The following PDE10A variants were observed in gnomAD, a reference collection of about 807,000 sequenced individuals.
The protein encoded by PDE10A is phosphodiesterase 10A.
In PDE10A, 39 loss-of-function variants were observed where a neutral mutation model predicts 97.7. The observed-to-expected ratio is 0.40, with a 90% CI of 0.31 to 0.52. The LOEUF is 0.52. Among genes scored for constraint, PDE10A ranks in the 20% least tolerant of loss-of-function variants. The pLI is 0.56. For missense variants in PDE10A, 731 were observed against 1,047.8 expected (o/e 0.70, Z 4.17); for synonymous variants, 371 against 376.8 (o/e 0.98, Z 0.18).
At chr6:165,860,223 G>C (rs1157374081) in intron 1 of PDE10A, among the ~76,000 whole-genome samples, 1 of 152,198 alleles carries the variant, frequency 6.6e-6, no homozygotes, top group Non-Finnish European at 1.5e-5. Context: ...GGAAGCTGAG[G>C]TGAGTGGATC....
chr6:165,922,792 C>A (rs993771998), intron 1 of PDE10A, among the ~76,000 whole-genome samples: 4 of 152,206 alleles, frequency 2.6e-5, no homozygotes, highest in Admixed American at 6.5e-5. Flanking sequence ...CAACTGTTTT[C>A]TCAATCTTGG....
chr6:165,950,008 G>A (rs566288814), intron 1 of PDE10A: 124 of 152,228 alleles, frequency 8.1e-4, no homozygotes, highest in African/African-American at 2.9e-3. Flanking sequence ...GATGCAAGAG[G>A]CATCTTTTAA....
At chr6:165,822,514 C>T (rs1010613065) in intron 1 of PDE10A, among the ~76,000 whole-genome samples, 3 of 152,176 alleles carry the variant, frequency 2.0e-5, no homozygotes, top group Admixed American at 6.5e-5. Flanking sequence ...GGCTGCAAAC[C>T]TAGGAGCTAA....
chr6:165,831,491 T>TTC (rs1318690554), intron 1 of PDE10A, among the ~76,000 whole-genome samples: 2 of 149,402 alleles, frequency 1.3e-5, no homozygotes, highest in Non-Finnish European at 3.0e-5. Context: ...TTTTTTTTTT[T>TTC]ATTTGAGACG....
intron 21 of PDE10A, among the ~76,000 whole-genome samples, chr6:165,334,645 C>T (rs1781544238): frequency 6.6e-6 from 1 of 152,132 alleles, no homozygotes; most frequent in Non-Finnish European, 1.5e-5. Context: ...CTTTTATAAC[C>T]TAATTCCTTC....
chr6:165,779,570 C>G (rs1028905285), intron 1 of PDE10A, among the ~76,000 whole-genome samples: 2 of 152,198 alleles, frequency 1.3e-5, no homozygotes, highest in East Asian at 3.8e-4. Flanking sequence ...TTTTAAAAAT[C>G]ATAAAATGTT....
chr6:165,848,285 C>T (rs569939830), intron 1 of PDE10A, among the ~76,000 whole-genome samples: 90 of 152,280 alleles, frequency 5.9e-4, no homozygotes, highest in Middle Eastern at 3.4e-3. Context: ...ATTCCCTGTC[C>T]CCCACACAGC....
chr6:165,524,353 G>C (rs1221861627), intron 2 of PDE10A, among the ~76,000 whole-genome samples: 1 of 152,066 alleles, frequency 6.6e-6, no homozygotes. Context: ...AATATGATTA[G>C]ACCCCAAAAC....
intron 1 of PDE10A, among the ~76,000 whole-genome samples, chr6:165,674,012 A>G (rs190564371): frequency 6.6e-6 from 1 of 152,224 alleles, no homozygotes; most frequent in East Asian, 1.9e-4. Context: ...GTCCATAGAT[A>G]TGATCGATCA....
intron 1 of PDE10A, among the ~76,000 whole-genome samples, chr6:165,852,778 C>T (rs1208313483): frequency 6.6e-6 from 1 of 152,218 alleles, no homozygotes; most frequent in Non-Finnish European, 1.5e-5. Flanking sequence ...AATTTTCTCT[C>T]TGTGCACATG....
chr6:165,618,557 G>A (rs778008299), intron 1 of PDE10A, among the ~76,000 whole-genome samples: 3 of 152,150 alleles, frequency 2.0e-5, no homozygotes, highest in African/African-American at 7.2e-5. Flanking sequence ...ATCCAGGAGC[G>A]GGACTTAACA....
chr6:165,406,784 C>T (rs1362339908), intron 13 of PDE10A, among the ~76,000 whole-genome samples: 1 of 152,140 alleles, frequency 6.6e-6, no homozygotes, highest in East Asian at 1.9e-4. Context: ...ATGCAACTGG[C>T]TGAGGACCCA....
chr6:165,471,906 T>C (rs1298154798), intron 3 of PDE10A, among the ~76,000 whole-genome samples: 1 of 152,198 alleles, frequency 6.6e-6, no homozygotes, highest in Non-Finnish European at 1.5e-5. Context: ...TTGTTTGCGC[T>C]AATAAAACTA....
chr6:165,408,490 T>C (rs970921669), intron 13 of PDE10A, among the ~76,000 whole-genome samples: 1 of 152,180 alleles, frequency 6.6e-6, no homozygotes, highest in African/African-American at 2.4e-5. Context: ...GTCTTGGTCA[T>C]TGGCAGTAGT....
At position 165,619,516 on chromosome 6, in the gene PDE10A, A is replaced by AAT. The variant is rs1787993688; in HGVS notation, c.865+42430_865+42431insAT. Among the ~76,000 whole-genome samples the AAT allele has an allele frequency of 1.4e-5, 2 of 143,206 alleles. 1 individual carries two copies. Among genetic ancestry groups the AAT allele is most frequent in the African/African-American group, 5.2e-5 (2 of 38,570 alleles). 93.9% of individuals were successfully genotyped at this position (143,206 alleles called of 152,430 possible). ...AGTGTAGTCTAGTGTAGTGTAGTCT[A>AAT]GTGTAGTGTAGTGTAGTCTAATGTA... On this transcript the variant is annotated intron_variant, in intron 1 of 21. Coordinates refer to ENST00000539869, the MANE Select transcript of PDE10A (RefSeq NM_001385079.1).
intron 2 of PDE10A, among the ~76,000 whole-genome samples, chr6:165,528,469 T>C (rs1053891136): frequency 1.3e-5 from 2 of 152,210 alleles, no homozygotes; most frequent in South Asian, 2.1e-4. Flanking sequence ...GCCCTCGATA[T>C]GGCACCATTT....
rs965998795 is a variant in PDE10A, at chr6:165,691,591, GCACACACACACA to G, written c.-614-148035_-614-148024del. Among the ~76,000 whole-genome samples, 22 of 51,660 alleles carry G rather than the reference GCACACACACACA, an allele frequency of 4.3e-4. 1 individual carries two copies. Among genetic ancestry groups the G allele is most frequent in the African/African-American group, 8.5e-4 (20 of 23,518 alleles). The allele number at this position is 51,660 out of a possible 152,430, so 33.9% of individuals were successfully genotyped here. ...CCCATGCGCACGCATGCACGCGCGC[GCACACACACACA>G]CACACACACACACACACACACAGCA... On this transcript the variant is annotated intron_variant, in intron 1 of 19. Coordinates refer to the PDE10A transcript ENST00000366882.
rs1159727433 is a variant in PDE10A, at chr6:165,603,929, T to C, written c.865+58018A>G. Among the ~76,000 whole-genome samples, 4 of 152,348 alleles carry C rather than the reference T, an allele frequency of 2.6e-5. No homozygotes were observed. In the East Asian group the frequency reaches 7.7e-4, roughly 29 times the overall value. ...GGAACTAAAACCATGGGACTGATCA[T>C]GCAAACTGGAGCTATTTCCACTTGT... On this transcript the variant is annotated intron_variant, in intron 1 of 21. Transcript: ENST00000539869.
At chr6:165,385,312 G>T (rs2128210880) in intron 17 of PDE10A, among the ~76,000 whole-genome samples, 1 of 151,640 alleles carries the variant, frequency 6.6e-6, no homozygotes, top group African/African-American at 2.4e-5. Context: ...ACCTAAATAA[G>T]TATAATACCA....
Sources: allele counts gnomAD v4.1 joint callset (sites outside exome capture counted in the v4.1 genomes callset), GRCh38; gene constraint gnomAD v4.1.1; transcripts MANE v1.5; gene names NCBI Gene and HGNC (gene_info 2026-07-23, HGNC 2026-07-21).